Variants in NLGN4X observed in about 807,000 individuals in gnomAD.
NLGN4X encodes neuroligin 4 X-linked, also known as neuroligin-4, X-linked.
In NLGN4X, 3 loss-of-function variants were observed where a neutral mutation model predicts 40.3. The observed-to-expected ratio is 0.07, with a 90% confidence interval of 0.03 to 0.19. NLGN4X has a LOEUF of 0.19. Among genes scored for constraint, NLGN4X ranks in the 10% least tolerant of loss-of-function variants. The pLI, the probability that NLGN4X is intolerant of heterozygous loss-of-function variation, is 1.00. For synonymous variants in NLGN4X, 270 were observed against 306.8 expected (o/e 0.88, Z 1.25); for missense variants, 382 against 708.3 (o/e 0.54, Z 5.23).
At chrX:6,150,696 T>A (rs1178126795) in intron 2 of NLGN4X, among the ~76,000 whole-genome samples, 2 of 111,909 alleles carry the variant, frequency 1.8e-5, no homozygotes, top group Non-Finnish European at 3.8e-5. Context: ...CATGCAACAT[T>A]ATATGCTCAT....
intron 2 of NLGN4X, among the ~76,000 whole-genome samples, chrX:6,068,827 G>A (rs1022254642): frequency 5.4e-5 from 6 of 111,251 alleles, no homozygotes; most frequent in Non-Finnish European, 1.9e-5. Flanking sequence ...CGACGTATTT[G>A]AACACTCCAT....
At chrX:5,918,640 TTC>T (rs2032906226) in intron 3 of NLGN4X, among the ~76,000 whole-genome samples, 1 of 112,397 alleles carries the variant, frequency 8.9e-6, no homozygotes, top group Non-Finnish European at 1.9e-5. Context: ...CCTCTTTAAG[TTC>T]TTAATTATTT....
At chrX:5,925,885 T>TATATATATATACATACACAC (rs2033275929) in intron 3 of NLGN4X, among the ~76,000 whole-genome samples, 2 of 5,084 alleles carry the variant, frequency 3.9e-4, no homozygotes, top group Non-Finnish European at 6.3e-4. Context: ...TACACACATA[T>TATATATATATACATACACAC]ATATATATAT....
In NLGN4X at chrX:5,989,605, A is replaced by G. The variant is rs1012070322; in HGVS notation, c.625+39675T>C. On this transcript the variant is annotated intron_variant, in intron 3 of 5. Coordinates refer to ENST00000381095, the MANE Select transcript of NLGN4X (RefSeq NM_181332.3). ...TTGCAACTTCCATCTTAATTTCCTA[A>G]AGTCCATTGTGAAGTCCTTTAATAT... Among the ~76,000 whole-genome samples, 5 of 112,487 alleles carry G rather than the reference A, an allele frequency of 4.4e-5. No individual in the cohort carries two copies. The Admixed American group carries it at 4.7e-4, about 11-fold the overall frequency.
At chrX:6,070,453 A>C (rs1051472339) in intron 2 of NLGN4X, among the ~76,000 whole-genome samples, 2 of 111,911 alleles carry the variant, frequency 1.8e-5, no homozygotes, top group African/African-American at 6.5e-5. Flanking sequence ...CATTCAATAG[A>C]AACTTTTCAG....
At chrX:6,200,213 C>T (rs1259281232) in intron 1 of NLGN4X, among the ~76,000 whole-genome samples, 2 of 112,198 alleles carry the variant, frequency 1.8e-5, no homozygotes, top group Non-Finnish European at 3.8e-5. Flanking sequence ...ATCCTCCACA[C>T]ATATCCATAA....
chrX:6,177,099 A>C (rs1920966755), intron 1 of NLGN4X, among the ~76,000 whole-genome samples: 1 of 112,110 alleles, frequency 8.9e-6, no homozygotes, highest in African/African-American at 3.2e-5. Context: ...TTGAGAGCAT[A>C]CAACTCCCCT....
rs61610698 is a variant in NLGN4X at position 5,986,026 on chromosome X, TA to T, written c.625+43253del. ...TTTGGAAAAATATACGAAAAGATTTTAAAACATCCATAAACATCGTGGGAAA... is the reference window on the plus strand; with the variant it reads ...TTTGGAAAAATATACGAAAAGATTTTAAACATCCATAAACATCGTGGGAAA... On this transcript the variant is annotated intron_variant, in intron 3 of 5. Transcript: ENST00000381095. 5.1e-4 allele frequency among the ~76,000 whole-genome samples: 57 copies of T among 112,087 alleles called. No homozygotes were observed. The East Asian group carries it at 0.015, about 29-fold the overall frequency.
At chrX:5,905,254 T>A (rs1210790484) in intron 4 of NLGN4X, among the ~76,000 whole-genome samples, 2 of 111,535 alleles carry the variant, frequency 1.8e-5, no homozygotes, top group African/African-American at 3.3e-5. Flanking sequence ...TATTTGTATG[T>A]TAGGGAAGTA....
intron 2 of NLGN4X, among the ~76,000 whole-genome samples, chrX:6,035,313 A>T (rs979110283): frequency 9.0e-6 from 1 of 111,370 alleles, no homozygotes; most frequent in African/African-American, 3.3e-5. Context: ...TTTAATTTTG[A>T]TGAGTTTCAC....
chrX:6,175,828 T>C (rs1043041294), intron 1 of NLGN4X, among the ~76,000 whole-genome samples: 3 of 110,196 alleles, frequency 2.7e-5, no homozygotes, highest in African/African-American at 9.9e-5. Context: ...TTTACTGGGA[T>C]CCAAGCCCCC....
intron 2 of NLGN4X, among the ~76,000 whole-genome samples, chrX:6,058,437 GA>G (rs1195691639): frequency 1.8e-5 from 2 of 111,882 alleles, no homozygotes; most frequent in Non-Finnish European, 3.8e-5. Flanking sequence ...AAAAGCAACA[GA>G]ATATGGAGCA....
At chrX:6,127,726 G>A (rs1192297296) in intron 2 of NLGN4X, among the ~76,000 whole-genome samples, 1 of 112,523 alleles carries the variant, frequency 8.9e-6, no homozygotes, top group Non-Finnish European at 1.9e-5. Flanking sequence ...ACTCTGCATG[G>A]ATTAAAAACT....
At chrX:6,091,235 A>G (rs941675208) in intron 2 of NLGN4X, among the ~76,000 whole-genome samples, 1 of 111,440 alleles carries the variant, frequency 9.0e-6, no homozygotes, top group Non-Finnish European at 1.9e-5. Context: ...TAGCAATTTT[A>G]TTCTCCATTT....
At chrX:6,121,874 G>A (rs2039431107) in intron 2 of NLGN4X, among the ~76,000 whole-genome samples, 1 of 112,581 alleles carries the variant, frequency 8.9e-6, no homozygotes, top group Admixed American at 9.4e-5. Flanking sequence ...TCACTGTCTG[G>A]GCGGATCAAT....
intron 3 of NLGN4X, among the ~76,000 whole-genome samples, chrX:5,925,849 C>T (rs868192658): frequency 3.2e-5 from 1 of 31,132 alleles, no homozygotes; most frequent in African/African-American, 2.3e-4. Flanking sequence ...TATATACATA[C>T]ACATATATAT....
At chrX:6,157,241 G>A (rs888675332) in intron 1 of NLGN4X, among the ~76,000 whole-genome samples, 13 of 111,728 alleles carry the variant, frequency 1.2e-4, no homozygotes, top group African/African-American at 4.2e-4. Context: ...AGTTTAATGG[G>A]TCAGGAACAT....
chrX:6,127,992 G>A (rs1410597696), intron 2 of NLGN4X, among the ~76,000 whole-genome samples: 1 of 111,144 alleles, frequency 9.0e-6, no homozygotes, highest in Non-Finnish European at 1.9e-5. Flanking sequence ...TTTTAGAATG[G>A]GAGTTTTGCT....
At chrX:6,171,567 A>T (rs889720814) in intron 1 of NLGN4X, among the ~76,000 whole-genome samples, 2 of 112,128 alleles carry the variant, frequency 1.8e-5, no homozygotes, top group Non-Finnish European at 3.8e-5. Flanking sequence ...GGTGCACAAA[A>T]GGTAAATTTT....
Sources: gnomAD v4.1 joint callset for allele counts (sites outside exome capture counted in the v4.1 genomes callset) on GRCh38, gnomAD v4.1.1 for gene constraint, MANE v1.5 for transcripts, NCBI Gene and HGNC (gene_info 2026-07-23, HGNC 2026-07-21) for gene names.